TNK2: variants seen among roughly 807,000 people sequenced by gnomAD.
The protein encoded by TNK2 is activated CDC42 kinase 1.
TNK2 carries 83 observed loss-of-function variants against 101.8 expected under a neutral mutation model. The ratio of observed to expected loss-of-function variants is 0.82; its 90% CI spans 0.68 to 0.98. The LOEUF (loss-of-function observed/expected upper bound fraction) is 0.98. TNK2 is among the 50% of genes least tolerant of loss of function. TNK2 has a pLI of 0.00. For synonymous variants in TNK2, 804 were observed against 633.0 expected (o/e 1.27, Z -4.06); for missense variants, 1,665 against 1,483.2 (o/e 1.12, Z -2.01).
In TNK2 at chr3:195,864,159, C is replaced by A; in HGVS notation, c.*22G>T. Reference sequence around the variant, plus strand: ...GCTCAGGTGATTCCTTCAGGCAGGCCCTCTGGCTCTCCAGACGCATCTCAG... The same window carrying A: ...GCTCAGGTGATTCCTTCAGGCAGGCACTCTGGCTCTCCAGACGCATCTCAG... On this transcript the variant is annotated 3_prime_UTR_variant, in exon 16 of 16. Coordinates refer to ENST00000672887, the MANE Select transcript of TNK2 (RefSeq NM_001382273.1). 6.2e-7 allele frequency: 1 copy of A among 1,613,956 alleles called. No homozygotes were observed. The highest frequency in any genetic ancestry group is 8.5e-7 in the Non-Finnish European group (1 of 1,179,894).
chr3:195,886,934 G>A lies in TNK2; in HGVS notation c.234+43C>T, dbSNP rs751940971. On this transcript the variant is annotated intron_variant, in intron 3 of 15. Transcript: ENST00000672887. The surrounding 1 kb of genome is among the most constrained non-coding windows in gnomAD (Gnocchi z 4.2). ...GGACCAGAAGCGGAGGGGGGCGTTC[G>A]AGGCTGCCCCCCTCCCACCTCCTCA... The A allele has an allele frequency of 1.1e-4, 177 of 1,596,584 alleles. No homozygotes were observed. The highest frequency in any genetic ancestry group is 1.5e-4 in the Non-Finnish European group (170 of 1,164,288).
rs1190121290 is a variant in TNK2 at position 195,892,428 on chromosome 3, G to A, written c.-18-3822C>T. On this transcript the variant is annotated intron_variant, in intron 1 of 15. Transcript: ENST00000672887. ...CCACTCACTGTGTACAGGCGTCGCC[G>A]CAGTCTGGCCAGGAGAGGGAAGGAG... The A allele has an allele frequency of 1.8e-5, 27 of 1,535,202 alleles. No homozygotes were observed. In the East Asian group the frequency reaches 2.0e-4, roughly 11 times the overall value.
rs1353446471 is a variant in TNK2, at chr3:195,874,023, G to A, written c.1257-1553C>T. 3.3e-5 allele frequency among the ~76,000 whole-genome samples: 5 copies of A among 152,256 alleles called. No homozygotes were observed. In the East Asian group the frequency reaches 9.7e-4, roughly 30 times the overall value. ...AAAAATAGCAGGGCCACTCGAAGGA[G>A]CAGAGCCCCGGCTCCCCAGCACGCA... is the stretch of plus-strand genomic sequence containing the variant. On this transcript the variant is annotated intron_variant, in intron 9 of 15. Transcript: ENST00000672887.
At chr3:195,867,095 G>C (rs1741380999) in intron 14 of TNK2, 74 bp downstream of exon 14, 5 of 1,607,750 alleles carry the variant, frequency 3.1e-6, no homozygotes, top group Non-Finnish European at 4.3e-6. Context: ...CGGAGCCAGG[G>C]GGCGTGGGGC....
chr3:195,894,271 C>T (rs1577110305), intron 1 of TNK2: 1 of 152,246 alleles, frequency 6.6e-6, no homozygotes, highest in African/African-American at 2.4e-5. Context: ...ACTCTAGCGT[C>T]CCCAGAAATA....
chr3:195,889,542 C>A (rs1553915216), intron 1 of TNK2, among the ~76,000 whole-genome samples: 1 of 152,204 alleles, frequency 6.6e-6, no homozygotes, highest in Non-Finnish European at 1.5e-5. Context: ...ATTAACCATA[C>A]CATTCTGTTC....
chr3:195,876,276 G>C (rs957137694), intron 9 of TNK2, among the ~76,000 whole-genome samples: 4 of 152,208 alleles, frequency 2.6e-5, no homozygotes, highest in Non-Finnish European at 5.9e-5. Flanking sequence ...GAGAAGGACT[G>C]AGCCTAGACT....
rs1246457477 is a variant in TNK2 at position 195,879,035 on chromosome 3, C to T, written c.1014+14G>A. On this transcript the variant is annotated intron_variant, in intron 7 of 15. Transcript: ENST00000672887. The stretch of plus-strand genomic sequence containing the variant: ...CCCCACCAGCCCTATGGGGGCCCGT[C>T]TCCCAGCCCTCACCTGACTGCCGTT... 10 of 1,612,290 alleles carry T rather than the reference C, an allele frequency of 6.2e-6. No homozygotes were observed. The highest frequency in any genetic ancestry group is 7.6e-6 in the Non-Finnish European group (9 of 1,179,656).
rs775830823 is a variant in TNK2, at chr3:195,867,395, G to A, written c.2903C>T (p.Pro968Leu). The change falls in exon 13 of 16, where the codon CCA becomes CTA. Residue 968 changes from proline (P) to leucine (L), a missense_variant. This residue lies in a region of TNK2 where 1,136 missense variants were observed against 894.9 expected (regional missense o/e 1.27). Coordinates refer to ENST00000672887, the MANE Select transcript of TNK2 (RefSeq NM_001382273.1). Reference protein sequence around the residue: ...LPQRGCPGDGPEAGRPADKIQ... With the variant: ...LPQRGCPGDGLEAGRPADKIQ... ...CTTGTCTGCTGGCCGGCCCGCCTCT[G>A]GCCCATCGCCAGGGCAGCCCCTCTG... 2.5e-6 allele frequency: 4 copies of A among 1,605,920 alleles called. No homozygotes were observed. The highest frequency in any genetic ancestry group is 2.5e-6 in the Non-Finnish European group (3 of 1,178,364).
chr3:195,883,493 G>C, intron 4 of TNK2, 184 bp from the exon 5 acceptor site: 1 of 655,784 alleles, frequency 1.5e-6, no homozygotes. Flanking sequence ...GAGAAGGGCA[G>C]ACGGCTGGCC....
intron 9 of TNK2, among the ~76,000 whole-genome samples, chr3:195,875,768 G>A (rs911636563): frequency 6.6e-6 from 1 of 152,166 alleles, no homozygotes. Context: ...GGGGGAGCAG[G>A]AAAAGGGCCC....
rs541729406 is a variant in TNK2 at position 195,863,994 on chromosome 3, G to A, written c.*187C>T. ...GACTGAACCAAAGTGTGCAGGGACA[G>A]CGCTGGTGCAGGAGGGATGGGCAGG... On this transcript the variant is annotated 3_prime_UTR_variant, in exon 16 of 16. Coordinates refer to ENST00000672887, the MANE Select transcript of TNK2 (RefSeq NM_001382273.1). 6 of 691,432 alleles carry A rather than the reference G, an allele frequency of 8.7e-6. No individual in the cohort carries two copies. In the African/African-American group the frequency reaches 8.9e-5, roughly 10 times the overall value. 42.8% of individuals were successfully genotyped at this position (691,432 alleles called of 1,614,324 possible). A position where few individuals can be genotyped will look rare whatever the true frequency, so the allele number is the denominator to read the frequency against.
chr3:195,887,762 C>A (rs1756396560), intron 2 of TNK2, among the ~76,000 whole-genome samples: 2 of 143,868 alleles, frequency 1.4e-5, no homozygotes, highest in Admixed American at 1.3e-4. Flanking sequence ...CGCGTGTGCG[C>A]ACGTGTGTGC....
chr3:195,877,290 G>C (rs989790220), intron 9 of TNK2, among the ~76,000 whole-genome samples: 3 of 152,192 alleles, frequency 2.0e-5, no homozygotes, highest in African/African-American at 7.2e-5. Context: ...CTGGGCCCAA[G>C]GGTGAGGGAG....
rs1268134371 is a variant in TNK2, at chr3:195,883,329, C to T, written c.457-20G>A. On this transcript the variant is annotated intron_variant, in intron 4 of 15. Transcript: ENST00000672887. The stretch of plus-strand genomic sequence containing the variant: ...ACTCACCTGCCCAGAGCGGGATTTG[C>T]AAGGACTCAGGACTTGCCAGGTCCC... 2 of 1,611,964 alleles carry T rather than the reference C, an allele frequency of 1.2e-6. No homozygotes were observed. Among genetic ancestry groups the T allele is most frequent in the Non-Finnish European group, 8.5e-7 (1 of 1,179,836 alleles).
At chr3:195,879,957 T>A (rs561640377) in intron 6 of TNK2, among the ~76,000 whole-genome samples, 1 of 152,260 alleles carries the variant, frequency 6.6e-6, no homozygotes, top group East Asian at 1.9e-4. Context: ...CTGCTCTAAA[T>A]TACTCCAGGA....
Position 195,878,537 on chromosome 3 carries a change from G to A in TNK2, c.1070C>T (p.Pro357Leu). 6.2e-7 allele frequency: 1 copy of A among 1,613,740 alleles called. No homozygotes were observed. Among genetic ancestry groups the A allele is most frequent in the Non-Finnish European group, 8.5e-7 (1 of 1,180,012 alleles). The part of the protein sequence containing the change: ...GERLPRPEDC[P>L]QDIYNVMVQC... ...GACCATGACGTTGTAGATGTCCTGG[G>A]GACAGTCCTCGGGCCGGGGCAGCCG... Residue 357 changes from proline (P) to leucine (L), a missense_variant, in exon 8 of 16, where the codon CCC becomes CTC. Around this residue, in one of 3 missense-constraint regions of TNK2, gnomAD observed 490 missense variants for 522.5 expected, o/e 0.94. Coordinates refer to ENST00000672887, the MANE Select transcript of TNK2 (RefSeq NM_001382273.1). The surrounding 1 kb of genome is among the most constrained non-coding windows in gnomAD (Gnocchi z 4.7).
rs772569464 is a variant in TNK2, at chr3:195,867,667, C to T, written c.2631G>A (p.Leu877=). The T allele has an allele frequency of 1.9e-6, 3 of 1,606,860 alleles. No individual in the cohort carries two copies. Among genetic ancestry groups the T allele is most frequent in the Non-Finnish European group, 2.5e-6 (3 of 1,179,616 alleles). ...GCTCCAGGTAGGATGGTCGCTCGGG[C>T]AGCAAGTAATAGTGGGTGCTGCTGA... ...KKVSSTHYYL[L]PERPSYLERY... is the part of the protein sequence containing the mutation. The change falls in exon 13 of 16, where the codon CTG becomes CTA. Residue 877 remains leucine (L), a synonymous_variant. Transcript: ENST00000672887.
rs775260593 is a variant in TNK2 at position 195,882,331 on chromosome 3, G to C, written c.610-3C>G. 1 of 1,609,126 alleles carries C rather than the reference G, an allele frequency of 6.2e-7. No individual in the cohort carries two copies. The highest frequency in any genetic ancestry group is 8.5e-7 in the Non-Finnish European group (1 of 1,176,278). ...CCCAGAGGTGCCAGCTCTGTCACCT[G>C]AGGCCACGGAGGAGGCAGGAGGAAT... On this transcript the variant is annotated splice_polypyrimidine_tract_variant and splice_region_variant and intron_variant, in intron 5 of 15. Transcript: ENST00000672887. This position sits in a 1 kb window ranked among gnomAD's most constrained non-coding sequence, Gnocchi z 4.2.
Sources: gnomAD v4.1 joint callset for allele counts (sites outside exome capture counted in the v4.1 genomes callset) on GRCh38, gnomAD v4.1.1 for gene constraint, gnomAD v4.1.1 regional missense constraint, Gnocchi (gnomAD v3.1) non-coding constraint, MANE v1.5 for transcripts, NCBI Gene and HGNC (gene_info 2026-07-23, HGNC 2026-07-21) for gene names.